GOLGA6L9: variants seen among roughly 807,000 people sequenced by gnomAD.
GOLGA6L9 encodes the protein golgin A6 family like 9.
Under a neutral mutation model 51.3 loss-of-function variants are expected in GOLGA6L9, and 19 were observed. The ratio of observed to expected loss-of-function variants is 0.37; its 90% CI spans 0.26 to 0.54. GOLGA6L9 has a LOEUF of 0.54. Ranked by LOEUF, GOLGA6L9 falls within the 20% of genes least tolerant of loss-of-function variation. The pLI, the probability that GOLGA6L9 is intolerant of heterozygous loss-of-function variation, is 0.83. For missense variants in GOLGA6L9, 247 were observed against 464.1 expected, an observed-to-expected ratio of 0.53 and a Z score of 4.30; for synonymous variants, 97 against 184.2, an observed-to-expected ratio of 0.53 and a Z score of 3.83.
the GOLGA6L9 span, among the ~76,000 whole-genome samples, chr15:82,422,008 TA>T: frequency 1.7e-5 from 1 of 59,144 alleles, no homozygotes; most frequent in Non-Finnish European, 2.8e-5. Context: ...ATTGTTGAAA[TA>T]AAAAACTCAG....
In GOLGA6L9 at chr15:82,431,573, A is replaced by G. The variant is rs1490523700; in HGVS notation, c.85-257A>G. On this transcript the variant is annotated intron_variant, in intron 1 of 8. Transcript: ENST00000618348. ...TTTGGTCCCTGGAAGCTGCTGATTC[A>G]TGGCAAAACCCCAGAGCTTGGAGTC... The G allele has an allele frequency of 3.1e-4, 89 of 285,564 alleles. 1 individual carries two copies. The highest frequency in any genetic ancestry group is 2.1e-3 in the African/African-American group (84 of 39,664). The allele number at this position is 285,564 out of a possible 1,614,324, so 17.7% of individuals were successfully genotyped here.
At chr15:82,433,293 A>C (rs1317938372) in intron 4 of GOLGA6L9, among the ~76,000 whole-genome samples, 2 of 151,992 alleles carry the variant, frequency 1.3e-5, no homozygotes, top group Non-Finnish European at 2.9e-5. Context: ...AGAGTATCAA[A>C]GGTCTCGGTT....
At position 82,434,355 on chromosome 15, in the gene GOLGA6L9, T is replaced by C; in HGVS notation, c.755T>C (p.Val252Ala). The change falls in exon 6 of 9, where the codon GTG (valine) becomes GCG (alanine). Residue 252 changes from valine (V) to alanine (A), a missense_variant. Around this residue, in one of 9 missense-constraint regions of GOLGA6L9, gnomAD observed 35 missense variants for 86.2 expected, o/e 0.41. Coordinates refer to ENST00000618348, the MANE Select transcript of GOLGA6L9 (RefSeq NM_198181.4). The part of the protein sequence containing the change: ...LPGQERLLEE[V>A]EKLLEQERRQ... ...GGGCAGGAGAGGCTGCTGGAAGAGG[T>C]GGAGAAGCTGTTAGAACAGGAGAGG... 1 of 1,512,984 alleles carries C rather than the reference T, an allele frequency of 6.6e-7. No homozygotes were observed. Among genetic ancestry groups the C allele is most frequent in the Non-Finnish European group, 8.9e-7 (1 of 1,129,064 alleles). 93.7% of individuals were successfully genotyped at this position (1,512,984 alleles called of 1,614,324 possible).
At chr15:82,427,291 T>TTCCC (rs1342513516), upstream of GOLGA6L9, among the ~76,000 whole-genome samples, 4 of 136,118 alleles carry the variant, frequency 2.9e-5, no homozygotes, top group Middle Eastern at 3.5e-3. Flanking sequence ...TTCTTTTCTT[T>TTCCC]TCCCTCCCTC....
At chr15:82,416,997 C>T in the GOLGA6L9 span, among the ~76,000 whole-genome samples, 1 of 152,198 alleles carries the variant, frequency 6.6e-6, no homozygotes, top group Non-Finnish European at 1.5e-5. Context: ...TTAGCAGTCA[C>T]TCTGTATACT....
chr15:82,419,348 G>GT, the GOLGA6L9 span: 14,849 of 138,202 alleles, frequency 0.11, 895 homozygotes, highest in Admixed American at 0.18. Context: ...ACATTTTAGT[G>GT]TTTTTTTTTT....
the GOLGA6L9 span, among the ~76,000 whole-genome samples, chr15:82,416,721 G>GCT: frequency 6.6e-6 from 1 of 152,164 alleles, no homozygotes; most frequent in Non-Finnish European, 1.5e-5. Context: ...TCAGGGTAAA[G>GCT]CTTAAGCATT....
the GOLGA6L9 span, chr15:82,418,598 T>C: frequency 6.6e-6 from 1 of 152,226 alleles, no homozygotes; most frequent in Non-Finnish European, 1.5e-5. Context: ...CATCTTGATC[T>C]AAATAATTTT....
At chr15:82,433,971 G>A (rs1461486466) in intron 5 of GOLGA6L9, 63 bp from the exon 6 acceptor site, 6 of 1,490,810 alleles carry the variant, frequency 4.0e-6, no homozygotes, top group South Asian at 1.3e-5. Context: ...TGCACCAAAG[G>A]GAGGATTTTT....
chr15:82,431,936 A>T lies in GOLGA6L9; in HGVS notation c.191A>T (p.His64Leu), dbSNP rs1433495995. 7.4e-7 allele frequency: 1 copy of T among 1,352,892 alleles called. No individual in the cohort carries two copies. Among genetic ancestry groups the T allele is most frequent in the Non-Finnish European group, 9.8e-7 (1 of 1,022,754 alleles). The allele number at this position is 1,352,892 out of a possible 1,614,324, so 83.8% of individuals were successfully genotyped here. Residue 64 changes from histidine to leucine, a missense_variant, in exon 2 of 9, where the codon CAC (histidine) becomes CTC (leucine). This residue lies in a region of GOLGA6L9 where 74 missense variants were observed against 91.2 expected (regional missense o/e 0.81). Coordinates refer to ENST00000618348, the MANE Select transcript of GOLGA6L9 (RefSeq NM_198181.4). The stretch of plus-strand genomic sequence containing the variant: ...GACACATTCACTTCTGGTGGTTACC[A>T]CTCACCTGGGGATGTGAGTCTCGGC... ...SPDTFTSGGYHSPGDSATGIY... is the reference protein window; with the variant it reads ...SPDTFTSGGYLSPGDSATGIY...
At chr15:82,434,625 G>A (rs2031596634) in intron 6 of GOLGA6L9, 23 bp downstream of exon 6, 1 of 1,506,482 alleles carries the variant, frequency 6.6e-7, no homozygotes, top group African/African-American at 1.4e-5. Context: ...ACCTGGGGAG[G>A]CTGCCCTCTT....
intron 2 of GOLGA6L9, 48 bp from the exon 3 acceptor site, chr15:82,432,520 TAGAC>T (rs2031448202): frequency 1.9e-6 from 3 of 1,589,070 alleles, no homozygotes; most frequent in East Asian, 2.2e-5. Flanking sequence ...TCAGAGGGCT[TAGAC>T]AGTGAGGGGG....
At chr15:82,430,274 C>T (rs1222500364) in intron 1 of GOLGA6L9, 111 bp downstream of exon 1, 4,587 of 381,608 alleles carry the variant, frequency 0.012, 44 homozygotes, top group Non-Finnish European at 0.017. Context: ...GGCCCCCCAA[C>T]CCCAGCCCCT....
Position 82,436,383 on chromosome 15 carries a change from A to G in GOLGA6L9, c.1271A>G (p.Asn424Ser). 1.9e-6 allele frequency: 3 copies of G among 1,596,654 alleles called. No homozygotes were observed. Among genetic ancestry groups the G allele is most frequent in the Non-Finnish European group, 2.5e-6 (3 of 1,178,128 alleles). Reference protein sequence around the residue: ...AACHSFRAAENRELNITII With the variant: ...AACHSFRAAESRELNITII The stretch of plus-strand genomic sequence containing the variant: ...TGCCATTCTTTTCGGGCTGCCGAGA[A>G]CAGGGAGCTAAACATCACCATCATC... The change falls in exon 9 of 9, where the codon AAC becomes AGC. Residue 424 changes from asparagine (N) to serine (S), a missense_variant. Asn to Ser is a conservative substitution (Grantham distance 46). Around this residue, in one of 9 missense-constraint regions of GOLGA6L9, gnomAD observed 20 missense variants for 25.1 expected, o/e 0.80. Coordinates refer to ENST00000618348, the MANE Select transcript of GOLGA6L9 (RefSeq NM_198181.4).
chr15:82,429,714 CAT>C (rs1200022410), upstream of GOLGA6L9, among the ~76,000 whole-genome samples: 1 of 152,160 alleles, frequency 6.6e-6, no homozygotes, highest in African/African-American at 2.4e-5. Context: ...CACAGACACA[CAT>C]ATATAAAGTA....
chr15:82,437,020 G>T lies in GOLGA6L9; in HGVS notation c.*609G>T, dbSNP rs1205263694. The T allele has an allele frequency of 6.5e-6, 1 of 154,710 alleles. No individual in the cohort carries two copies. The highest frequency in any genetic ancestry group is 1.4e-5 in the Non-Finnish European group (1 of 70,120). The allele number at this position is 154,710 out of a possible 1,614,324, so 9.6% of individuals were successfully genotyped here. A position where few individuals can be genotyped will look rare whatever the true frequency, so the allele number is the denominator to read the frequency against. On this transcript the variant is annotated 3_prime_UTR_variant, in exon 9 of 9. Coordinates refer to ENST00000618348, the MANE Select transcript of GOLGA6L9 (RefSeq NM_198181.4). ...CCCCCTTTTTCTGTGTATTGGGGAT[G>T]GGAGTAATAACATTTTGGGGAGGTT... is the stretch of plus-strand genomic sequence containing the variant.
the GOLGA6L9 span, among the ~76,000 whole-genome samples, chr15:82,416,628 A>G: frequency 6.6e-6 from 1 of 152,188 alleles, no homozygotes; most frequent in Non-Finnish European, 1.5e-5. Context: ...TTAATAGTCA[A>G]CTATTAAGGA....
intron 2 of GOLGA6L9, chr15:82,432,217 T>C: frequency 1.7e-6 from 1 of 601,762 alleles, no homozygotes; most frequent in East Asian, 3.6e-5. Context: ...AGATTCGTTA[T>C]TGTTGCTTTT....
chr15:82,428,976 A>G (rs1472775407), upstream of GOLGA6L9, among the ~76,000 whole-genome samples: 51 of 152,122 alleles, frequency 3.4e-4, no homozygotes, highest in Non-Finnish European at 7.3e-5. Flanking sequence ...TGGTGATTCT[A>G]GAAAAATGGG....
Sources: allele counts gnomAD v4.1 joint callset (sites outside exome capture counted in the v4.1 genomes callset), GRCh38; gene constraint gnomAD v4.1.1; regional missense constraint gnomAD v4.1.1; transcripts MANE v1.5; gene names NCBI Gene and HGNC (gene_info 2026-07-23, HGNC 2026-07-21).